PCDH9: variants seen among roughly 807,000 people sequenced by gnomAD.
PCDH9 encodes the protein protocadherin-9.
A neutral mutation model predicts 70.6 loss-of-function variants in PCDH9; 24 were observed. That is an observed-to-expected ratio of 0.34 (90% CI 0.25 to 0.48). The LOEUF (loss-of-function observed/expected upper bound fraction) is 0.48. PCDH9 is among the 20% of genes least tolerant of loss of function. The pLI, the probability that PCDH9 is intolerant of heterozygous loss-of-function variation, is 0.99. For missense variants in PCDH9, 1,281 were observed against 1,503.6 expected, an observed-to-expected ratio of 0.85 and a Z score of 2.45; for synonymous variants, 562 against 558.5, an observed-to-expected ratio of 1.01 and a Z score of -0.09.
At chr13:67,146,959 T>C (rs1363088031) in intron 2 of PCDH9, among the ~76,000 whole-genome samples, 1 of 152,206 alleles carries the variant, frequency 6.6e-6, no homozygotes, top group East Asian at 1.9e-4. Flanking sequence ...GCTTCCTTTT[T>C]TTAAGTTTAG....
chr13:66,763,223 G>A (rs889824161), intron 3 of PCDH9, among the ~76,000 whole-genome samples: 1 of 151,712 alleles, frequency 6.6e-6, no homozygotes, highest in Non-Finnish European at 1.5e-5. Flanking sequence ...ATATACCTGA[G>A]TGAAGAAAGC....
Position 66,539,151 on chromosome 13 carries a change from C to T in PCDH9, c.3340+92059G>A, listed in dbSNP as rs146766276. Among the ~76,000 whole-genome samples, 142 of 152,054 alleles carry T rather than the reference C, an allele frequency of 9.3e-4. 1 individual carries two copies. The East Asian group carries it at 0.023, about 25-fold the overall frequency. On this transcript the variant is annotated intron_variant, in intron 4 of 4. Coordinates refer to ENST00000377865, the MANE Select transcript of PCDH9 (RefSeq NM_203487.3). ...AGAAGATTTTAGAATTAAAATTTTT[C>T]TCTCTCTTGATTCAAACTTCTCAGA...
At chr13:66,484,546 C>A (rs536804312) in intron 4 of PCDH9, among the ~76,000 whole-genome samples, 76 of 152,302 alleles carry the variant, frequency 5.0e-4, no homozygotes, top group African/African-American at 1.8e-3. Flanking sequence ...ATATTTCTGG[C>A]AGTATTAAAC....
At chr13:66,826,954 T>G (rs2080834658) in intron 3 of PCDH9, among the ~76,000 whole-genome samples, 1 of 152,182 alleles carries the variant, frequency 6.6e-6, no homozygotes, top group Non-Finnish European at 1.5e-5. Context: ...AATGCTACCT[T>G]ATATGACAAA....
intron 2 of PCDH9, among the ~76,000 whole-genome samples, chr13:67,017,341 T>C (rs1034520126): frequency 2.0e-5 from 3 of 152,226 alleles, no homozygotes; most frequent in Non-Finnish European, 4.4e-5. Flanking sequence ...ATAAATGAAG[T>C]TTCACTTTAA....
chr13:67,141,961 T>G (rs544022562), intron 2 of PCDH9, among the ~76,000 whole-genome samples: 1 of 152,294 alleles, frequency 6.6e-6, no homozygotes, highest in African/African-American at 2.4e-5. Flanking sequence ...ACACCATTTA[T>G]AAATATGGAA....
intron 4 of PCDH9, among the ~76,000 whole-genome samples, chr13:66,581,888 T>C (rs1290809531): frequency 2.6e-5 from 4 of 152,122 alleles, no homozygotes; most frequent in African/African-American, 7.2e-5. Flanking sequence ...TCTTGAAAAA[T>C]GTACCTCATC....
chr13:67,118,809 ATCCTAAATACCTTT>A (rs1326045727), intron 2 of PCDH9, among the ~76,000 whole-genome samples: 1 of 152,164 alleles, frequency 6.6e-6, no homozygotes, highest in Non-Finnish European at 1.5e-5. Flanking sequence ...CAACCTATTT[ATCCTAAATACCTTT>A]TCCTAACAAA....
At chr13:66,608,355 T>C (rs147680595) in intron 4 of PCDH9, among the ~76,000 whole-genome samples, 1 of 152,282 alleles carries the variant, frequency 6.6e-6, no homozygotes, top group African/African-American at 2.4e-5. Flanking sequence ...AAGGAGATTA[T>C]ACTGATTTTT....
At chr13:66,552,531 C>T (rs575120861) in intron 4 of PCDH9, among the ~76,000 whole-genome samples, 1 of 152,070 alleles carries the variant, frequency 6.6e-6, no homozygotes, top group African/African-American at 2.4e-5. Flanking sequence ...CATGCCAGAG[C>T]CTGATGCCTG....
At chr13:66,383,710 A>G (rs1956884220) in intron 4 of PCDH9, among the ~76,000 whole-genome samples, 1 of 152,174 alleles carries the variant, frequency 6.6e-6, no homozygotes, top group Non-Finnish European at 1.5e-5. Context: ...CATTTTTCTC[A>G]TACACAATAC....
intron 2 of PCDH9, among the ~76,000 whole-genome samples, chr13:67,198,319 T>A (rs909824733): frequency 7.9e-5 from 12 of 151,898 alleles, no homozygotes; most frequent in Non-Finnish European, 1.8e-4. Context: ...TAAATTATTA[T>A]TACTAATACA....
At chr13:67,101,759 A>AG (rs2086439891) in intron 2 of PCDH9, among the ~76,000 whole-genome samples, 1 of 151,688 alleles carries the variant, frequency 6.6e-6, no homozygotes, top group African/African-American at 2.4e-5. Flanking sequence ...TCTTCAATTA[A>AG]ACCAATTCTC....
intron 2 of PCDH9, among the ~76,000 whole-genome samples, chr13:67,007,490 T>G (rs563401501): frequency 6.6e-6 from 1 of 152,300 alleles, no homozygotes; most frequent in African/African-American, 2.4e-5. Flanking sequence ...AAGTTATTAG[T>G]AAAATGGTAT....
rs182988201 is a variant in PCDH9, at chr13:66,316,194, G to A, written c.3341-11166C>T. On this transcript the variant is annotated intron_variant, in intron 4 of 4. Transcript: ENST00000377865. The stretch of plus-strand genomic sequence containing the variant: ...TTACTGGGATCACTTTGATTACACG[G>A]AGCCACCTGGATCATCCAGGATAAT... 4.3e-3 allele frequency among the ~76,000 whole-genome samples: 651 copies of A among 152,152 alleles called. 2 individuals are homozygous for A. The highest frequency in any genetic ancestry group is 0.015 in the African/African-American group (625 of 41,510).
intron 4 of PCDH9, among the ~76,000 whole-genome samples, chr13:66,395,911 C>T (rs1417267474): frequency 1.3e-5 from 2 of 152,034 alleles, no homozygotes; most frequent in African/African-American, 2.4e-5. Flanking sequence ...AAGTTCCTAC[C>T]AAGTGAAAAG....
intron 3 of PCDH9, among the ~76,000 whole-genome samples, chr13:66,730,982 C>G (rs2139175365): frequency 6.8e-6 from 1 of 147,584 alleles, no homozygotes; most frequent in Non-Finnish European, 1.5e-5. Context: ...CCTCGGCCTC[C>G]CAAAACACTG....
At chr13:66,367,618 G>A (rs1449686449) in intron 4 of PCDH9, among the ~76,000 whole-genome samples, 1 of 152,086 alleles carries the variant, frequency 6.6e-6, no homozygotes, top group Non-Finnish European at 1.5e-5. Context: ...GGTTTCACAT[G>A]CTTCTGTAGA....
intron 2 of PCDH9, among the ~76,000 whole-genome samples, chr13:66,951,650 C>T (rs1293721036): frequency 1.3e-5 from 2 of 152,134 alleles, no homozygotes; most frequent in Non-Finnish European, 2.9e-5. Context: ...GAGTCACTAT[C>T]CATTGTGATG....
Sources: gnomAD v4.1 joint callset for allele counts (sites outside exome capture counted in the v4.1 genomes callset) on GRCh38, gnomAD v4.1.1 for gene constraint, MANE v1.5 for transcripts, NCBI Gene and HGNC (gene_info 2026-07-23, HGNC 2026-07-21) for gene names.